The following TRMT1L variants were observed in gnomAD, a reference collection of about 807,000 sequenced individuals.
TRMT1L encodes tRNA (guanine(27)-N(2))-dimethyltransferase.
TRMT1L carries 28 observed loss-of-function variants against 81.6 expected under a neutral mutation model. The ratio of observed to expected loss-of-function variants is 0.34; its 90% CI spans 0.25 to 0.47. TRMT1L has a LOEUF of 0.47. Ranked by LOEUF, TRMT1L falls within the 20% of genes least tolerant of loss-of-function variation. TRMT1L has a pLI of 1.00. For synonymous variants in TRMT1L, 301 were observed against 303.2 expected, an observed-to-expected ratio of 0.99 and a Z score of 0.07; for missense variants, 739 against 877.1, an observed-to-expected ratio of 0.84 and a Z score of 1.99.
At chr1:185,132,735 T>C (rs1427958684) in intron 10 of TRMT1L, among the ~76,000 whole-genome samples, 1 of 152,092 alleles carries the variant, frequency 6.6e-6, no homozygotes, top group Non-Finnish European at 1.5e-5. Flanking sequence ...CACTGGAAGC[T>C]AGAAGACAAT....
chr1:185,133,176 G>A (rs1652815584), intron 10 of TRMT1L, among the ~76,000 whole-genome samples: 3 of 152,200 alleles, frequency 2.0e-5, no homozygotes, highest in African/African-American at 4.8e-5. Flanking sequence ...TAATTCCAGA[G>A]TTACCGAAGA....
At chr1:185,137,901 G>T in intron 9 of TRMT1L, 105 bp from the exon 10 acceptor site, 1 of 1,096,490 alleles carries the variant, frequency 9.1e-7, no homozygotes, top group Non-Finnish European at 1.3e-6. Context: ...TAAGTTATGG[G>T]ACATCAAGAA....
At chr1:185,129,290 A>G (rs186365896) in intron 10 of TRMT1L, among the ~76,000 whole-genome samples, 12 of 152,330 alleles carry the variant, frequency 7.9e-5, no homozygotes, top group Admixed American at 6.5e-4. Context: ...CAAAATGTAG[A>G]TATTTCTCAT....
At chr1:185,125,169 A>G (rs1297356341) in intron 11 of TRMT1L, 59 bp from the exon 12 acceptor site, 1 of 1,317,014 alleles carries the variant, frequency 7.6e-7, no homozygotes, top group Non-Finnish European at 1.0e-6. Flanking sequence ...TTTAAAAAGA[A>G]AGTCTTCACA....
intron 10 of TRMT1L, 125 bp from the exon 11 acceptor site, chr1:185,128,872 G>A (rs1571344490): frequency 1.2e-6 from 1 of 800,936 alleles, no homozygotes; most frequent in East Asian, 2.7e-5. Context: ...CAGGTATTAT[G>A]CTAAGTATTT....
chr1:185,124,499 A>G (rs1174770799), intron 12 of TRMT1L, among the ~76,000 whole-genome samples: 1 of 152,054 alleles, frequency 6.6e-6, no homozygotes, highest in Non-Finnish European at 1.5e-5. Context: ...GGAGTTTGAA[A>G]TCCGCCTGGA....
rs1370985756 is a variant in TRMT1L at position 185,119,261 on chromosome 1, A to C, written c.*758T>G. 1 of 152,144 alleles carries C rather than the reference A, an allele frequency of 6.6e-6. No individual in the cohort carries two copies. The highest frequency in any genetic ancestry group is 1.5e-5 in the Non-Finnish European group (1 of 68,026). 9.4% of individuals were successfully genotyped at this position (152,144 alleles called of 1,614,324 possible). On this transcript the variant is annotated 3_prime_UTR_variant, in exon 15 of 15. Coordinates refer to ENST00000367506, the MANE Select transcript of TRMT1L (RefSeq NM_030934.5). ...ATACTGTACGTGCATTAACTGAGGC[A>C]CTTAAGATCACCCAACCTTTTTAAT...
At chr1:185,157,349 G>C (rs1653676185), upstream of TRMT1L, 1 of 152,740 alleles carries the variant, frequency 6.5e-6, no homozygotes, top group South Asian at 2.0e-4. Flanking sequence ...GTTTTGCTGG[G>C]CAGGTTCCCC....
At chr1:185,130,754 C>A (rs1652749394) in intron 10 of TRMT1L, among the ~76,000 whole-genome samples, 1 of 152,144 alleles carries the variant, frequency 6.6e-6, no homozygotes, top group African/African-American at 2.4e-5. Context: ...GGATATGAAA[C>A]CAGCAGTTTT....
intron 3 of TRMT1L, among the ~76,000 whole-genome samples, chr1:185,149,316 T>C (rs1653276696): frequency 6.6e-6 from 1 of 151,886 alleles, no homozygotes; most frequent in African/African-American, 2.4e-5. Flanking sequence ...TTTTTTTTTT[T>C]TTTTAAGAAA....
Position 185,119,442 on chromosome 1 carries a change from T to C in TRMT1L, c.*577A>G, listed in dbSNP as rs1652441905. Reference sequence around the variant, plus strand: ...ATAAAGTATTTCTATCTCAGGCAAGTATTTAATTTCTTAAAAGCTAGTAAG... The same window carrying C: ...ATAAAGTATTTCTATCTCAGGCAAGCATTTAATTTCTTAAAAGCTAGTAAG... On this transcript the variant is annotated 3_prime_UTR_variant, in exon 15 of 15. Coordinates refer to ENST00000367506, the MANE Select transcript of TRMT1L (RefSeq NM_030934.5). 6.6e-6 allele frequency: 1 copy of C among 152,214 alleles called. No homozygotes were observed. The highest frequency in any genetic ancestry group is 2.1e-4 in the South Asian group (1 of 4,836). 9.4% of individuals were successfully genotyped at this position (152,214 alleles called of 1,614,324 possible).
At position 185,156,667 on chromosome 1, in the gene TRMT1L, C is replaced by CCTCCTTCTCCAGGGGCAGCAG; in HGVS notation, c.25_45dup (p.Leu9_Glu15dup). 2.5e-6 allele frequency: 4 copies of CCTCCTTCTCCAGGGGCAGCAG among 1,612,042 alleles called. No individual in the cohort carries two copies. Among genetic ancestry groups the CCTCCTTCTCCAGGGGCAGCAG allele is most frequent in the Non-Finnish European group, 3.4e-6 (4 of 1,179,532 alleles). The stretch of plus-strand genomic sequence containing the variant: ...ACCTGGACCTGGGCCACCTCCACCT[C>CCTCCTTCTCCAGGGGCAGCAG]CTCCTTCTCCAGGGGCAGCAGCTCC... On this transcript the variant is annotated inframe_insertion, in exon 1 of 15. Coordinates refer to ENST00000367506, the MANE Select transcript of TRMT1L (RefSeq NM_030934.5).
intron 6 of TRMT1L, 31 bp from the exon 7 acceptor site, chr1:185,143,467 T>G: frequency 1.3e-6 from 2 of 1,566,742 alleles, no homozygotes; most frequent in Non-Finnish European, 8.7e-7. Context: ...GAAATAACTT[T>G]ACCATGGCTT....
At position 185,155,897 on chromosome 1, in the gene TRMT1L, G is replaced by A. The variant is rs75049447; in HGVS notation, c.235+581C>T. ...TATTTATGTATGGGGGAAAACATCC[G>A]TAAATTTAGTCGACTCTTTCCTAAA... On this transcript the variant is annotated intron_variant, in intron 1 of 14. Coordinates refer to ENST00000367506, the MANE Select transcript of TRMT1L (RefSeq NM_030934.5). Among the ~76,000 whole-genome samples, 836 of 152,282 alleles carry A rather than the reference G, an allele frequency of 5.5e-3. 31 individuals carry two copies. In the East Asian group the frequency reaches 0.085, roughly 15 times the overall value.
chr1:185,127,890 G>A (rs1420573583), intron 11 of TRMT1L, among the ~76,000 whole-genome samples: 3 of 151,996 alleles, frequency 2.0e-5, no homozygotes, highest in African/African-American at 7.3e-5. Context: ...GAGCCAGGCA[G>A]ATCACCTGAG....
At chr1:185,128,637 A>G in intron 11 of TRMT1L, 32 bp downstream of exon 11, 1 of 1,592,152 alleles carries the variant, frequency 6.3e-7, no homozygotes, top group Non-Finnish European at 8.6e-7. Context: ...AATACATCAA[A>G]TTTTAATATG....
chr1:185,150,877 C>CA (rs1653326519), intron 2 of TRMT1L, among the ~76,000 whole-genome samples: 1 of 152,200 alleles, frequency 6.6e-6, no homozygotes, highest in South Asian at 2.1e-4. Flanking sequence ...GGACAAAGAG[C>CA]AAAAGTATGT....
At position 185,120,256 on chromosome 1, in the gene TRMT1L, CA is replaced by C; in HGVS notation, c.1964del (p.Leu655CysfsTer11). ...GAAAGCCTGCTTGAGATAAATAGCACAAAAACTTTTTTAACCTGCAAAAAGG... is the reference window on the plus strand; with the variant it reads ...GAAAGCCTGCTTGAGATAAATAGCACAAAACTTTTTTAACCTGCAAAAAGG... Reference protein sequence around the residue: ...GMNMPKLKKFLCYLSQAGFRV... With the variant: ...GMNMPKLKKFXCYLSQAGFRV... On this transcript the variant is annotated frameshift_variant, in exon 15 of 15. Transcript: ENST00000367506. LOFTEE classifies it high-confidence loss of function. 1 of 1,549,506 alleles carries C rather than the reference CA, an allele frequency of 6.5e-7. No homozygotes were observed. The highest frequency in any genetic ancestry group is 8.7e-7 in the Non-Finnish European group (1 of 1,146,738).
At chr1:185,125,933 A>G (rs1007435195) in intron 11 of TRMT1L, among the ~76,000 whole-genome samples, 5 of 152,172 alleles carry the variant, frequency 3.3e-5, no homozygotes, top group African/African-American at 1.2e-4. Context: ...GCAGGGGAGC[A>G]CATATATGAG....
Sources: gnomAD v4.1 joint callset for allele counts (sites outside exome capture counted in the v4.1 genomes callset) on GRCh38, gnomAD v4.1.1 for gene constraint, MANE v1.5 for transcripts, NCBI Gene and HGNC (gene_info 2026-07-23, HGNC 2026-07-21) for gene names.